CNTN4: variants seen among roughly 807,000 people sequenced by gnomAD.
CNTN4 encodes contactin 4.
CNTN4 carries 77 observed loss-of-function variants against 122.5 expected under a neutral mutation model. The observed-to-expected ratio is 0.63, with a 90% CI of 0.52 to 0.76. The LOEUF is 0.76. CNTN4 is among the 30% of genes least tolerant of loss of function. CNTN4 has a pLI of 0.00. For synonymous variants in CNTN4, 512 were observed against 447.0 expected (o/e 1.15, Z -1.83); for missense variants, 1,256 against 1,259.1 (o/e 1.00, Z 0.04).
intron 3 of CNTN4, among the ~76,000 whole-genome samples, chr3:2,397,375 G>A (rs1297906614): frequency 6.6e-5 from 10 of 151,980 alleles, no homozygotes; most frequent in Non-Finnish European, 1.2e-4. Context: ...AGTTTTCTTT[G>A]GTTCTGTCTT....
At chr3:2,206,021 A>G (rs2038325892) in intron 2 of CNTN4, among the ~76,000 whole-genome samples, 1 of 152,110 alleles carries the variant, frequency 6.6e-6, no homozygotes, top group African/African-American at 2.4e-5. Context: ...GTTTCTTTGT[A>G]GGCAGTTATT....
At chr3:2,629,673 T>C (rs891328976) in intron 4 of CNTN4, 9 of 359,126 alleles carry the variant, frequency 2.5e-5, no homozygotes, top group Admixed American at 7.6e-5. Context: ...AGGCCACTAA[T>C]ATTCCTGATA....
intron 13 of CNTN4, among the ~76,000 whole-genome samples, chr3:2,943,752 T>A (rs1459357239): frequency 1.3e-5 from 2 of 151,462 alleles, no homozygotes; most frequent in South Asian, 2.1e-4. Context: ...GCCTCCCCAG[T>A]AGCTGGGATT....
At chr3:2,397,516 A>G (rs2046684004) in intron 3 of CNTN4, among the ~76,000 whole-genome samples, 1 of 151,842 alleles carries the variant, frequency 6.6e-6, no homozygotes, top group Non-Finnish European at 1.5e-5. Context: ...CAGTTTCTGG[A>G]TATTTTAGAA....
chr3:2,530,472 C>A (rs1395394247), intron 3 of CNTN4, among the ~76,000 whole-genome samples: 2 of 151,936 alleles, frequency 1.3e-5, no homozygotes, highest in Non-Finnish European at 1.5e-5. Flanking sequence ...CCATGCCCAG[C>A]TAATTTTTGT....
intron 6 of CNTN4, among the ~76,000 whole-genome samples, chr3:2,783,108 C>G (rs985710356): frequency 1.1e-4 from 16 of 151,414 alleles, no homozygotes; most frequent in Non-Finnish European, 2.2e-4. Flanking sequence ...GTGAGATTTT[C>G]TCTCTACTAA....
chr3:2,971,981 G>T (rs1293447153), intron 13 of CNTN4, among the ~76,000 whole-genome samples: 1 of 152,074 alleles, frequency 6.6e-6, no homozygotes, highest in Non-Finnish European at 1.5e-5. Context: ...CTGGAGATAG[G>T]TATTCAGAAA....
At chr3:3,041,414 T>G (rs1338923759) in intron 20 of CNTN4, among the ~76,000 whole-genome samples, 1 of 152,082 alleles carries the variant, frequency 6.6e-6, no homozygotes, top group Admixed American at 6.6e-5. Flanking sequence ...ATTATGAAAA[T>G]GAGAGGAAAA....
intron 3 of CNTN4, among the ~76,000 whole-genome samples, chr3:2,358,405 C>T (rs1263183544): frequency 1.3e-5 from 2 of 151,780 alleles, no homozygotes; most frequent in Non-Finnish European, 2.9e-5. Flanking sequence ...TTTCTTATTT[C>T]CTGAAGCATT....
chr3:2,485,489 A>G (rs2076129636), intron 3 of CNTN4, among the ~76,000 whole-genome samples: 2 of 151,512 alleles, frequency 1.3e-5, no homozygotes, highest in Admixed American at 1.3e-4. Context: ...AGCATTCTGT[A>G]TCTAGCTGAT....
intron 2 of CNTN4, among the ~76,000 whole-genome samples, chr3:2,295,155 T>C (rs1428274717): frequency 6.9e-6 from 1 of 145,820 alleles, no homozygotes; most frequent in Non-Finnish European, 1.5e-5. Context: ...CTTGTGTCTT[T>C]ATAGCAGCAT....
chr3:2,516,649 C>T (rs1281949451), intron 3 of CNTN4, among the ~76,000 whole-genome samples: 2 of 152,086 alleles, frequency 1.3e-5, no homozygotes, highest in African/African-American at 4.8e-5. Flanking sequence ...AAGGGAAGTC[C>T]TTCTGCATTT....
chr3:2,879,830 G>A (rs1237269110), intron 8 of CNTN4, among the ~76,000 whole-genome samples: 1 of 152,048 alleles, frequency 6.6e-6, no homozygotes, highest in East Asian at 1.9e-4. Flanking sequence ...TAAAATTGGT[G>A]CACTTTTTAG....
chr3:2,423,641 T>C (rs566033473), intron 3 of CNTN4, among the ~76,000 whole-genome samples: 4 of 152,152 alleles, frequency 2.6e-5, no homozygotes, highest in Non-Finnish European at 5.9e-5. Context: ...CCAGTATTTG[T>C]CTACTTAAAG....
chr3:2,231,730 C>A (rs866093379), intron 2 of CNTN4, among the ~76,000 whole-genome samples: 3 of 151,986 alleles, frequency 2.0e-5, no homozygotes, highest in African/African-American at 7.3e-5. Flanking sequence ...TTATCTAAAA[C>A]GAATGGTTGA....
At chr3:2,584,043 G>A (rs1181358086) in intron 4 of CNTN4, among the ~76,000 whole-genome samples, 1 of 152,206 alleles carries the variant, frequency 6.6e-6, no homozygotes, top group African/African-American at 2.4e-5. Context: ...GTTGCTCAGT[G>A]TATGAGCTTG....
At chr3:2,604,413 C>T (rs1386496615) in intron 4 of CNTN4, among the ~76,000 whole-genome samples, 1 of 152,032 alleles carries the variant, frequency 6.6e-6, no homozygotes. Context: ...GGAGACGTTG[C>T]AGAAAACAAA....
At chr3:2,117,147 G>A (rs986663392) in intron 2 of CNTN4, among the ~76,000 whole-genome samples, 1 of 152,172 alleles carries the variant, frequency 6.6e-6, no homozygotes, top group African/African-American at 2.4e-5. Context: ...GCCTCTGGTT[G>A]CCTGTTTTAA....
chr3:2,959,331 G>A (rs566790166), intron 13 of CNTN4, among the ~76,000 whole-genome samples: 53 of 152,258 alleles, frequency 3.5e-4, no homozygotes, highest in African/African-American at 1.2e-3. Flanking sequence ...TCTATTTCCA[G>A]TTTATGCTAT....
Sources: allele counts gnomAD v4.1 joint callset (sites outside exome capture counted in the v4.1 genomes callset), GRCh38; gene constraint gnomAD v4.1.1; transcripts MANE v1.5; gene names NCBI Gene and HGNC (gene_info 2026-07-23, HGNC 2026-07-21).